CERS6: variants seen among roughly 807,000 people sequenced by gnomAD.
CERS6 encodes the protein LAG1 homolog, ceramide synthase 6.
Under a neutral mutation model 56.8 loss-of-function variants are expected in CERS6, and 26 were observed. That is an observed-to-expected ratio of 0.46 (90% CI 0.34 to 0.63). The LOEUF is 0.63. Among genes scored for constraint, CERS6 ranks in the 30% least tolerant of loss-of-function variants. The pLI, the probability that CERS6 is intolerant of heterozygous loss-of-function variation, is 0.01. For missense variants in CERS6, 415 were observed against 467.5 expected, an observed-to-expected ratio of 0.89 and a Z score of 1.04; for synonymous variants, 164 against 173.3, an observed-to-expected ratio of 0.95 and a Z score of 0.42.
At chr2:168,549,185 T>A (rs963866179) in intron 2 of CERS6, among the ~76,000 whole-genome samples, 4 of 152,154 alleles carry the variant, frequency 2.6e-5, no homozygotes, top group Admixed American at 6.5e-5. Context: ...GTTTTTTTTT[T>A]AATTTTGTTT....
At chr2:168,643,876 A>G (rs907517412) in intron 4 of CERS6, among the ~76,000 whole-genome samples, 1 of 152,180 alleles carries the variant, frequency 6.6e-6, no homozygotes, top group Non-Finnish European at 1.5e-5. Context: ...TTCTTTTGCC[A>G]TATAAGGTAA....
At chr2:168,720,886 G>A (rs1687347644) in intron 8 of CERS6, among the ~76,000 whole-genome samples, 1 of 152,090 alleles carries the variant, frequency 6.6e-6, no homozygotes, top group Admixed American at 6.5e-5. Context: ...ATTATAGAAA[G>A]ATTTAACCTC....
chr2:168,637,249 G>A (rs752145565), intron 4 of CERS6, among the ~76,000 whole-genome samples: 20 of 152,278 alleles, frequency 1.3e-4, no homozygotes, highest in South Asian at 4.2e-4. Flanking sequence ...AGGCTGAAGC[G>A]CGTGGATCAC....
intron 3 of CERS6, among the ~76,000 whole-genome samples, chr2:168,612,440 T>C (rs1481629385): frequency 6.6e-6 from 1 of 152,158 alleles, no homozygotes; most frequent in African/African-American, 2.4e-5. Flanking sequence ...CGCAGGAGGA[T>C]CATGAAAGGT....
At position 168,772,306 on chromosome 2, in the gene CERS6, A is replaced by G. The variant is rs998000749; in HGVS notation, c.*2644A>G. 3 of 152,622 alleles carry G rather than the reference A, an allele frequency of 2.0e-5. No individual in the cohort carries two copies. The highest frequency in any genetic ancestry group is 7.2e-5 in the African/African-American group (3 of 41,460). 9.5% of individuals were successfully genotyped at this position (152,622 alleles called of 1,614,324 possible). A position where few individuals can be genotyped will look rare whatever the true frequency, so the allele number is the denominator to read the frequency against. ...AGGATTCCAGAAGAAGTAATACTTTATTCTCTAATGTTAATAGCTTTTCTG... is the reference window on the plus strand; with the variant it reads ...AGGATTCCAGAAGAAGTAATACTTTGTTCTCTAATGTTAATAGCTTTTCTG... On this transcript the variant is annotated 3_prime_UTR_variant, in exon 10 of 10. Coordinates refer to ENST00000305747, the MANE Select transcript of CERS6 (RefSeq NM_203463.3).
intron 6 of CERS6, among the ~76,000 whole-genome samples, chr2:168,709,395 G>A (rs1299448017): frequency 6.6e-6 from 1 of 152,034 alleles, no homozygotes; most frequent in Non-Finnish European, 1.5e-5. Context: ...TGAAGTTTGA[G>A]TGAAGACCAT....
intron 3 of CERS6, among the ~76,000 whole-genome samples, chr2:168,602,608 G>A (rs1022993842): frequency 5.3e-5 from 8 of 152,228 alleles, no homozygotes; most frequent in Non-Finnish European, 1.2e-4. Context: ...CCCAGGGAAA[G>A]AGAAGAATAA....
intron 8 of CERS6, among the ~76,000 whole-genome samples, chr2:168,723,618 A>G (rs910254855): frequency 5.3e-5 from 8 of 152,192 alleles, no homozygotes; most frequent in Non-Finnish European, 8.8e-5. Flanking sequence ...TTGTCTTAAT[A>G]ATACCTTGTT....
chr2:168,639,909 C>G (rs1574120540), intron 4 of CERS6, among the ~76,000 whole-genome samples: 1 of 152,038 alleles, frequency 6.6e-6, no homozygotes, highest in South Asian at 2.1e-4. Flanking sequence ...GAGAATAGGC[C>G]TGCTTGACAG....
chr2:168,769,450 C>G, intron 9 of CERS6, 60 bp from the exon 10 acceptor site: 1 of 1,433,848 alleles, frequency 7.0e-7, no homozygotes, highest in Non-Finnish European at 9.3e-7. Context: ...GTGCTTCTAG[C>G]ATGCCATACC....
intron 4 of CERS6, among the ~76,000 whole-genome samples, chr2:168,664,619 A>T (rs1378204188): frequency 6.6e-6 from 1 of 152,186 alleles, no homozygotes; most frequent in Non-Finnish European, 1.5e-5. Flanking sequence ...TTCCCTTTTT[A>T]GACCATATAG....
Position 168,475,731 on chromosome 2 carries a change from G to A in CERS6, c.170+19113G>A, listed in dbSNP as rs187438120. Among the ~76,000 whole-genome samples, 317 of 152,282 alleles carry A rather than the reference G, an allele frequency of 2.1e-3. 1 individual carries two copies. The highest frequency in any genetic ancestry group is 7.2e-3 in the African/African-American group (301 of 41,546). ...TAATATTTCTTGGTTTTAGAAAATT[G>A]ATATAAAGCACATTGGCTCATAGGT... On this transcript the variant is annotated intron_variant, in intron 1 of 9. Coordinates refer to ENST00000305747, the MANE Select transcript of CERS6 (RefSeq NM_203463.3).
chr2:168,568,155 T>C (rs1232826468), intron 3 of CERS6, among the ~76,000 whole-genome samples: 1 of 152,252 alleles, frequency 6.6e-6, no homozygotes, highest in Non-Finnish European at 1.5e-5. Flanking sequence ...TTGGTCAGGC[T>C]GGCTGCACAT....
intron 1 of CERS6, among the ~76,000 whole-genome samples, chr2:168,524,856 A>G (rs1695043205): frequency 6.6e-6 from 1 of 151,228 alleles, no homozygotes; most frequent in African/African-American, 2.4e-5. Context: ...ATATATTAAT[A>G]TATATTTTAA....
chr2:168,622,882 T>G (rs1016970550), intron 3 of CERS6, among the ~76,000 whole-genome samples: 2 of 152,248 alleles, frequency 1.3e-5, no homozygotes, highest in African/African-American at 4.8e-5. Flanking sequence ...CTTTGGACAT[T>G]AGTTTCTTTA....
At chr2:168,721,302 G>A (rs909700195) in intron 8 of CERS6, among the ~76,000 whole-genome samples, 1 of 151,920 alleles carries the variant, frequency 6.6e-6, no homozygotes, top group Non-Finnish European at 1.5e-5. Context: ...TTTCTTATTG[G>A]TGAATAATAT....
intron 4 of CERS6, among the ~76,000 whole-genome samples, chr2:168,640,507 G>A (rs919369981): frequency 6.6e-6 from 1 of 152,228 alleles, no homozygotes; most frequent in African/African-American, 2.4e-5. Flanking sequence ...CACCATGGAT[G>A]AAACAGTCTG....
intron 8 of CERS6, among the ~76,000 whole-genome samples, chr2:168,753,118 A>T (rs1408129424): frequency 6.6e-6 from 1 of 152,186 alleles, no homozygotes; most frequent in East Asian, 1.9e-4. Context: ...TATTTTGTGG[A>T]TGAGGAAACA....
chr2:168,762,907 TC>T (rs1358310000), intron 8 of CERS6, among the ~76,000 whole-genome samples: 2 of 52,892 alleles, frequency 3.8e-5, no homozygotes, highest in South Asian at 5.1e-4. Flanking sequence ...GGTCTCTCAC[TC>T]TTGTCGCCCA....
Sources: allele counts gnomAD v4.1 joint callset (sites outside exome capture counted in the v4.1 genomes callset), GRCh38; gene constraint gnomAD v4.1.1; transcripts MANE v1.5; gene names NCBI Gene and HGNC (gene_info 2026-07-23, HGNC 2026-07-21).